The following NLRP3 variants were observed in gnomAD, a reference collection of about 807,000 sequenced individuals.
NLRP3 encodes NLR family pyrin domain containing 3.
A neutral mutation model predicts 91.3 loss-of-function variants in NLRP3; 48 were observed. The observed-to-expected ratio is 0.53, with a 90% confidence interval of 0.42 to 0.67. The LOEUF (loss-of-function observed/expected upper bound fraction) is 0.67, where lower values mean the gene tolerates loss of function less well. Ranked by LOEUF, NLRP3 falls within the 30% of genes least tolerant of loss-of-function variation. The pLI is 0.00. For synonymous variants in NLRP3, 561 were observed against 507.9 expected (o/e 1.10, Z -1.41); for missense variants, 982 against 1,276.9 (o/e 0.77, Z 3.52).
Position 247,425,674 on chromosome 1 carries a change from C to T in NLRP3, c.2150+75C>T. 5 of 1,329,350 alleles carry T rather than the reference C, an allele frequency of 3.8e-6. No individual in the cohort carries two copies. The highest frequency in any genetic ancestry group is 5.3e-6 in the Non-Finnish European group (5 of 939,146). 82.3% of individuals were successfully genotyped at this position (1,329,350 alleles called of 1,614,324 possible). On this transcript the variant is annotated intron_variant, in intron 4 of 9. Coordinates refer to ENST00000336119, the MANE Select transcript of NLRP3 (RefSeq NM_001243133.2). This position sits in a 1 kb window ranked among gnomAD's most constrained non-coding sequence, Gnocchi z 4.1. ...CTTCTTGGCGCTTGCCTCCTCTCAT[C>T]TCTTTTCAACTATCTTCCAAATACT...
chr1:247,430,926 C>G (rs986834694), intron 5 of NLRP3, among the ~76,000 whole-genome samples: 3 of 151,974 alleles, frequency 2.0e-5, no homozygotes, highest in African/African-American at 4.8e-5. Context: ...CACCACCATG[C>G]TGGCTAATTT....
chr1:247,424,991 G>T lies in NLRP3; in HGVS notation c.1542G>T (p.Lys514Asn). ...TCCAAAAGGAAGTGGACTGCGAGAA[G>T]TTCTACAGCTTCATCCACATGACTT... The part of the protein sequence containing the change: ...NLFQKEVDCE[K>N]FYSFIHMTFQ... The change falls in exon 4 of 10, where the codon AAG becomes AAT. Residue 514 changes from lysine to asparagine, a missense_variant. Lys to Asn is a moderately conservative substitution (Grantham distance 94). This residue lies in a region of NLRP3 where 548 missense variants were observed against 713.7 expected (regional missense o/e 0.77). Coordinates refer to ENST00000336119, the MANE Select transcript of NLRP3 (RefSeq NM_001243133.2). This position sits in a 1 kb window ranked among gnomAD's most constrained non-coding sequence, Gnocchi z 8.1. 1 of 1,614,196 alleles carries T rather than the reference G, an allele frequency of 6.2e-7. No homozygotes were observed. Among genetic ancestry groups the T allele is most frequent in the South Asian group, 1.1e-5 (1 of 91,082 alleles).
At chr1:247,428,279 T>A (rs1329514816) in intron 4 of NLRP3, among the ~76,000 whole-genome samples, 1 of 151,972 alleles carries the variant, frequency 6.6e-6, no homozygotes, top group Admixed American at 6.5e-5. Context: ...ACTGGAGCCC[T>A]GGTAGGGGGC....
intron 4 of NLRP3, among the ~76,000 whole-genome samples, chr1:247,428,435 G>A (rs938537995): frequency 6.6e-6 from 1 of 152,254 alleles, no homozygotes; most frequent in Non-Finnish European, 1.5e-5. Flanking sequence ...TAGAGAGCTA[G>A]ACTTTGCATT....
At chr1:247,447,248 C>T (rs1664639902) in intron 9 of NLRP3, among the ~76,000 whole-genome samples, 1 of 152,086 alleles carries the variant, frequency 6.6e-6, no homozygotes, top group African/African-American at 2.4e-5. Flanking sequence ...CAGATGGCTA[C>T]CTTCTTGTTA....
intron 9 of NLRP3, among the ~76,000 whole-genome samples, chr1:247,445,572 AGT>A (rs1664533725): frequency 6.6e-6 from 1 of 152,172 alleles, no homozygotes; most frequent in South Asian, 2.1e-4. Flanking sequence ...GAAATTCGAC[AGT>A]GTGTCAGGAT....
At chr1:247,419,128 G>A (rs368742808) in intron 2 of NLRP3, 51 bp downstream of exon 2, 4 of 1,504,656 alleles carry the variant, frequency 2.7e-6, no homozygotes, top group Admixed American at 1.9e-5. Context: ...TGCACATAGT[G>A]TACAATTTTC....
intron 6 of NLRP3, 22 bp from the exon 7 acceptor site, chr1:247,435,948 C>T (rs1315923079): frequency 1.9e-6 from 3 of 1,612,484 alleles, no homozygotes; most frequent in South Asian, 1.1e-5. Context: ...ACATGACTGA[C>T]ATTCTGCCAT....
intron 2 of NLRP3, among the ~76,000 whole-genome samples, chr1:247,419,406 C>T (rs1372237350): frequency 1.3e-5 from 2 of 152,064 alleles, no homozygotes; most frequent in African/African-American, 4.8e-5. Context: ...CCACCCGCCT[C>T]GGCCTCGCAA....
At position 247,418,307 on chromosome 1, in the gene NLRP3, CT is replaced by C. The variant is rs144128307; in HGVS notation, c.-482del. On this transcript the variant is annotated 5_prime_UTR_variant, in exon 2 of 10. It removes the in-frame stop codon of an upstream open reading frame in the 5' UTR. Coordinates refer to ENST00000336119, the MANE Select transcript of NLRP3 (RefSeq NM_001243133.2). ...AACTTTCTGGTAAGCATTTGGCTAA[CT>C]TTTTTTTTTTTGAGATGGAGTCTTG... 0.024 allele frequency: 4,405 copies of C among 186,730 alleles called. 11 individuals carry two copies. The highest frequency in any genetic ancestry group is 0.048 in the South Asian group (543 of 11,296). 11.6% of individuals were successfully genotyped at this position (186,730 alleles called of 1,614,324 possible).
At position 247,425,173 on chromosome 1, in the gene NLRP3, T is replaced by C; in HGVS notation, c.1724T>C (p.Val575Ala). ...GAAAAGGGGTATTTGATTTTTGTTGTACGTTTCCTCTTTGGCCTGGTAAAC... is the reference window on the plus strand; with the variant it reads ...GAAAAGGGGTATTTGATTTTTGTTGCACGTTTCCTCTTTGGCCTGGTAAAC... The part of the protein sequence containing the change: ...KFEKGYLIFV[V>A]RFLFGLVNQE... Residue 575 changes from valine to alanine, a missense_variant, in exon 4 of 10, where the codon GTA (valine) becomes GCA (alanine). This residue lies in a region of NLRP3 where 32 missense variants were observed against 60.3 expected (regional missense o/e 0.53). Coordinates refer to ENST00000336119, the MANE Select transcript of NLRP3 (RefSeq NM_001243133.2). This position sits in a 1 kb window ranked among gnomAD's most constrained non-coding sequence, Gnocchi z 4.1. 6.2e-7 allele frequency: 1 copy of C among 1,614,184 alleles called. No homozygotes were observed. The highest frequency in any genetic ancestry group is 8.5e-7 in the Non-Finnish European group (1 of 1,180,036).
At chr1:247,427,039 A>G (rs1422339982) in intron 4 of NLRP3, among the ~76,000 whole-genome samples, 2 of 152,210 alleles carry the variant, frequency 1.3e-5, no homozygotes, top group Non-Finnish European at 2.9e-5. Context: ...GCTTATAAGC[A>G]AAAGGAAGGT....
intron 8 of NLRP3, 106 bp from the exon 9 acceptor site, chr1:247,444,545 C>CTT: frequency 1.1e-4 from 102 of 967,284 alleles, no homozygotes; most frequent in Non-Finnish European, 1.2e-4. Context: ...TGCTCCTGTG[C>CTT]TTTTTTTTTT....
intron 7 of NLRP3, among the ~76,000 whole-genome samples, chr1:247,441,093 TTCC>T (rs548070573): frequency 1.9e-4 from 28 of 150,400 alleles, no homozygotes; most frequent in Non-Finnish European, 2.5e-4. Flanking sequence ...TCCTTCCTTC[TTCC>T]TCCTCCTCCT....
intron 7 of NLRP3, among the ~76,000 whole-genome samples, chr1:247,443,332 C>T (rs955189165): frequency 1.3e-5 from 2 of 152,192 alleles, no homozygotes; most frequent in South Asian, 4.2e-4. Flanking sequence ...TGGACTCAAG[C>T]GATCCTCCCA....
intron 2 of NLRP3, among the ~76,000 whole-genome samples, chr1:247,421,798 G>A: frequency 6.6e-6 from 1 of 152,162 alleles, no homozygotes; most frequent in South Asian, 2.1e-4. Flanking sequence ...AGGGTTAGAA[G>A]TTTGTTTGTT....
chr1:247,432,986 C>T (rs1572195087), intron 5 of NLRP3, among the ~76,000 whole-genome samples: 1 of 151,280 alleles, frequency 6.6e-6, no homozygotes, highest in East Asian at 1.9e-4. Flanking sequence ...CAAAACCAGC[C>T]TGAGCAAGCT....
At chr1:247,423,495 T>A in intron 3 of NLRP3, 146 bp downstream of exon 3, 1 of 1,023,686 alleles carries the variant, frequency 9.8e-7, no homozygotes, top group South Asian at 1.3e-5. Flanking sequence ...CCATTGTCAG[T>A]TGAAGAAACA....
chr1:247,429,842 C>A (rs146623139), intron 5 of NLRP3, 87 bp downstream of exon 5: 13 of 1,516,468 alleles, frequency 8.6e-6, no homozygotes, highest in African/African-American at 2.7e-5. Flanking sequence ...TCTTCAGGAC[C>A]AGGTTGCTGG....
Sources: allele counts gnomAD v4.1 joint callset (sites outside exome capture counted in the v4.1 genomes callset), GRCh38; gene constraint gnomAD v4.1.1; regional missense constraint gnomAD v4.1.1; non-coding constraint Gnocchi (gnomAD v3.1); transcripts MANE v1.5; gene names NCBI Gene and HGNC (gene_info 2026-07-23, HGNC 2026-07-21).